Variants in SH3RF3 observed in about 807,000 individuals in gnomAD.
SH3RF3 encodes SH3 domain containing ring finger 3.
In SH3RF3, 29 loss-of-function variants were observed where a neutral mutation model predicts 66.3. The observed-to-expected ratio is 0.44, with a 90% confidence interval of 0.33 to 0.60. The LOEUF (loss-of-function observed/expected upper bound fraction) is 0.60, where lower values mean the gene tolerates loss of function less well. Ranked by LOEUF, SH3RF3 falls within the 20% of genes least tolerant of loss-of-function variation. The pLI, the probability that SH3RF3 is intolerant of heterozygous loss-of-function variation, is 0.04. For synonymous variants in SH3RF3, 583 were observed against 532.0 expected (o/e 1.10, Z -1.32); for missense variants, 1,194 against 1,190.9 (o/e 1.00, Z -0.04).
intron 3 of SH3RF3, among the ~76,000 whole-genome samples, chr2:109,381,521 C>T (rs1011029772): frequency 1.7e-4 from 26 of 152,124 alleles, no homozygotes; most frequent in African/African-American, 6.0e-4. Flanking sequence ...CTCCCTTCAG[C>T]GTGGCCATCA....
chr2:109,357,952 T>C (rs1427747951), intron 2 of SH3RF3, among the ~76,000 whole-genome samples: 1 of 152,216 alleles, frequency 6.6e-6, no homozygotes, highest in Admixed American at 6.5e-5. Context: ...TAGTCACTCT[T>C]GGTGCAGAGT....
At chr2:109,479,903 TC>T (rs2104759367) in intron 8 of SH3RF3, among the ~76,000 whole-genome samples, 1 of 152,158 alleles carries the variant, frequency 6.6e-6, no homozygotes, top group East Asian at 1.9e-4. Context: ...CACGAGGATC[TC>T]CCTGGAGCTC....
At chr2:109,321,489 T>C (rs1682025913) in intron 1 of SH3RF3, among the ~76,000 whole-genome samples, 1 of 152,256 alleles carries the variant, frequency 6.6e-6, no homozygotes, top group Non-Finnish European at 1.5e-5. Context: ...TTTGTTTCCA[T>C]TTAACAAAGG....
chr2:109,133,998 G>C (rs1273177831), intron 1 of SH3RF3, among the ~76,000 whole-genome samples: 1 of 152,142 alleles, frequency 6.6e-6, no homozygotes, highest in Admixed American at 6.5e-5. Context: ...AGGATAGAGG[G>C]TGTCTATGGT....
intron 2 of SH3RF3, among the ~76,000 whole-genome samples, chr2:109,348,828 G>A (rs1682779304): frequency 6.6e-6 from 1 of 151,790 alleles, no homozygotes; most frequent in Non-Finnish European, 1.5e-5. Flanking sequence ...GCTCCCCGCC[G>A]CCCCCAGATG....
chr2:109,352,592 C>T (rs1450405731), intron 2 of SH3RF3, among the ~76,000 whole-genome samples: 1 of 152,222 alleles, frequency 6.6e-6, no homozygotes, highest in Non-Finnish European at 1.5e-5. Flanking sequence ...TAAGCTTGTG[C>T]GGAGCTCCAC....
chr2:109,300,261 C>T (rs1681431105), intron 1 of SH3RF3, among the ~76,000 whole-genome samples: 1 of 152,068 alleles, frequency 6.6e-6, no homozygotes, highest in African/African-American at 2.4e-5. Context: ...GTGCAGTGAA[C>T]CTCCACCTCC....
At chr2:109,196,021 C>T (rs891248991) in intron 1 of SH3RF3, among the ~76,000 whole-genome samples, 3 of 152,248 alleles carry the variant, frequency 2.0e-5, no homozygotes, top group African/African-American at 2.4e-5. Context: ...TCTGTACGCA[C>T]ACCTGTTTTT....
chr2:109,268,534 C>T (rs963746254), intron 1 of SH3RF3, among the ~76,000 whole-genome samples: 8 of 152,300 alleles, frequency 5.3e-5, no homozygotes, highest in East Asian at 1.9e-4. Flanking sequence ...CCCCATTGCC[C>T]GACCACAGGG....
At chr2:109,325,954 A>G (rs1053826920) in intron 1 of SH3RF3, among the ~76,000 whole-genome samples, 27 of 152,240 alleles carry the variant, frequency 1.8e-4, no homozygotes, top group African/African-American at 6.3e-4. Flanking sequence ...TGATATTTTC[A>G]CTGTGAACCG....
intron 1 of SH3RF3, among the ~76,000 whole-genome samples, chr2:109,152,207 C>A (rs1459078987): frequency 2.0e-5 from 3 of 152,246 alleles, no homozygotes; most frequent in African/African-American, 7.2e-5. Flanking sequence ...TATCACAAAA[C>A]TGTCACCTGT....
At chr2:109,352,287 G>A (rs539952845) in intron 2 of SH3RF3, among the ~76,000 whole-genome samples, 1 of 152,254 alleles carries the variant, frequency 6.6e-6, no homozygotes, top group Non-Finnish European at 1.5e-5. Context: ...CAGAATACTC[G>A]CAGGAAAGTA....
intron 9 of SH3RF3, among the ~76,000 whole-genome samples, chr2:109,495,581 C>T (rs1004572589): frequency 7.6e-5 from 11 of 144,546 alleles, no homozygotes; most frequent in African/African-American, 2.9e-4. Context: ...CTCCGCCTCC[C>T]AGATTTAAGC....
At chr2:109,191,459 G>A (rs1678361277) in intron 1 of SH3RF3, among the ~76,000 whole-genome samples, 1 of 152,136 alleles carries the variant, frequency 6.6e-6, no homozygotes, top group Admixed American at 6.5e-5. Flanking sequence ...TTTGGGTGCG[G>A]CCAGGCTGTA....
intron 1 of SH3RF3, among the ~76,000 whole-genome samples, chr2:109,156,681 G>A (rs1321314446): frequency 1.3e-5 from 2 of 152,108 alleles, no homozygotes; most frequent in Admixed American, 1.3e-4. Flanking sequence ...CCTGACCTCA[G>A]GTGATCTCGC....
chr2:109,322,329 C>A (rs1228033916), intron 1 of SH3RF3, among the ~76,000 whole-genome samples: 1 of 152,168 alleles, frequency 6.6e-6, no homozygotes, highest in Non-Finnish European at 1.5e-5. Flanking sequence ...GCAGCCAGGG[C>A]CGGCAGAGGC....
At chr2:109,213,316 G>T (rs1453581492) in intron 1 of SH3RF3, among the ~76,000 whole-genome samples, 2 of 152,172 alleles carry the variant, frequency 1.3e-5, no homozygotes, top group African/African-American at 4.8e-5. Flanking sequence ...ATAAGGCTAT[G>T]TGTACGCCAA....
chr2:109,481,614 A>G (rs1226785889), intron 8 of SH3RF3, among the ~76,000 whole-genome samples: 1 of 151,170 alleles, frequency 6.6e-6, no homozygotes, highest in Non-Finnish European at 1.5e-5. Context: ...TCATCCCTCC[A>G]CTCAGGCTGT....
intron 8 of SH3RF3, among the ~76,000 whole-genome samples, chr2:109,461,318 A>G (rs1678203185): frequency 6.6e-6 from 1 of 152,246 alleles, no homozygotes; most frequent in African/African-American, 2.4e-5. Flanking sequence ...ACCAAGAACT[A>G]TCTCTCAGAA....
Sources: gnomAD v4.1 joint callset for allele counts (sites outside exome capture counted in the v4.1 genomes callset) on GRCh38, gnomAD v4.1.1 for gene constraint, MANE v1.5 for transcripts, NCBI Gene and HGNC (gene_info 2026-07-23, HGNC 2026-07-21) for gene names.